The following FAM110C variants were observed in gnomAD, a reference collection of about 807,000 sequenced individuals.
FAM110C encodes family with sequence similarity 110 member C, also known as protein FAM110C.
In FAM110C, 19 loss-of-function variants were observed where a neutral mutation model predicts 15.7. The ratio of observed to expected loss-of-function variants is 1.21; its 90% confidence interval spans 0.85 to 1.78. The LOEUF (loss-of-function observed/expected upper bound fraction) is 1.78. FAM110C is among the 40% of genes most tolerant of loss of function. The probability of loss-of-function intolerance (pLI) is 0.00; values close to 1 mark genes in which losing one functional copy is unlikely to be tolerated. For missense variants in FAM110C, 547 were observed against 495.7 expected (o/e 1.10, Z -0.98); for synonymous variants, 275 against 233.9 (o/e 1.18, Z -1.61).
In FAM110C at chr2:45,504, G is replaced by A; in HGVS notation, c.882C>T (p.Ile294=). 1 of 1,614,146 alleles carries A rather than the reference G, an allele frequency of 6.2e-7. No individual in the cohort carries two copies. Among genetic ancestry groups the A allele is most frequent in the Non-Finnish European group, 8.5e-7 (1 of 1,180,012 alleles). Residue 294 remains isoleucine (I), a synonymous_variant, in exon 1 of 2, where the codon ATC becomes ATT. Transcript: ENST00000327669. ...CCTTCTTACAGGTGTACAGCCACTT[G>A]ATGATGCGGGCGTTCCTCTCGATGA... ...TSVIERNARI[I]KWLYTCKKAK...
In FAM110C at chr2:41,608, T is replaced by A; in HGVS notation, c.966A>T (p.Ter322CysextTer1). The A allele has an allele frequency of 6.2e-7, 1 of 1,613,798 alleles. No individual in the cohort carries two copies. The highest frequency in any genetic ancestry group is 8.5e-7 in the Non-Finnish European group (1 of 1,179,888). ...CATGAAATCCTTCAAGAAGTCTTCA[T>A]CATCGGGAAGGTTTGCTTCCTGAGG... ...SRTRGSKPSR[*>C] The change falls in exon 2 of 2, where the codon TGA (stop) becomes TGT (cysteine). Residue 322 changes from the stop codon to cysteine (C), a stop_lost. Coordinates refer to ENST00000327669, the MANE Select transcript of FAM110C (RefSeq NM_001077710.3).
At position 38,998 on chromosome 2, in the gene FAM110C, G is replaced by GAAT. The variant is rs1664056919; in HGVS notation, c.*2609_*2610insATT. 6.6e-6 allele frequency: 1 copy of GAAT among 152,130 alleles called. No homozygotes were observed. Among genetic ancestry groups the GAAT allele is most frequent in the African/African-American group, 2.4e-5 (1 of 41,406 alleles). The allele number at this position is 152,130 out of a possible 1,614,324, so 9.4% of individuals were successfully genotyped here. ...TGAACTTTGAACCAACTGAAAAAGG[G>GAAT]GAATGTTCAATAAAGCCTCCTTTTT... On this transcript the variant is annotated 3_prime_UTR_variant, in exon 2 of 2. Transcript: ENST00000327669.
chr2:44,987 G>A, intron 1 of FAM110C: 1 of 985,352 alleles, frequency 1.0e-6, no homozygotes, highest in Non-Finnish European at 1.2e-6. Context: ...AGGGCTGCAG[G>A]TGGACTGGTC....
rs1160625414 is a variant in FAM110C, at chr2:46,281, G to A, written c.105C>T (p.Ser35=). 20 of 1,361,884 alleles carry A rather than the reference G, an allele frequency of 1.5e-5. No individual in the cohort carries two copies. Among genetic ancestry groups the A allele is most frequent in the Non-Finnish European group, 1.5e-5 (16 of 1,061,178 alleles). 84.4% of individuals were successfully genotyped at this position (1,361,884 alleles called of 1,614,324 possible). The part of the protein sequence containing the change: ...DPDAARPARR[S]AVERLAADRA... Reference sequence around the variant, plus strand: ...GATCCGCCGCCAGCCTCTCCACTGCGCTCCTGCGCGCCGGCCGCGCGGCGT... The same window carrying A: ...GATCCGCCGCCAGCCTCTCCACTGCACTCCTGCGCGCCGGCCGCGCGGCGT... The change falls in exon 1 of 2, where the codon AGC becomes AGT. Residue 35 remains serine, a synonymous_variant. Transcript: ENST00000327669.
Position 45,805 on chromosome 2 carries a change from C to A in FAM110C, c.581G>T (p.Arg194Leu). The stretch of plus-strand genomic sequence containing the variant: ...CGACTGTGAGCGCTGCAGCCCCCGA[C>A]GCCTCACCACCCGCGGCTCTGGCCC... ...PPGPEPRVVR[R>L]RGLQRSQSDL... is the part of the protein sequence containing the mutation. Residue 194 changes from arginine to leucine, a missense_variant, in exon 1 of 2, where the codon CGT (arginine) becomes CTT (leucine). Physicochemically the swap from Arg to Leu is moderately radical, Grantham distance 102. Coordinates refer to ENST00000327669, the MANE Select transcript of FAM110C (RefSeq NM_001077710.3). 6.5e-7 allele frequency: 1 copy of A among 1,550,204 alleles called. No homozygotes were observed. Among genetic ancestry groups the A allele is most frequent in the South Asian group, 1.2e-5 (1 of 84,690 alleles).
chr2:43,572 T>C (rs1664186092), intron 1 of FAM110C: 1 of 985,464 alleles, frequency 1.0e-6, no homozygotes, highest in Non-Finnish European at 1.2e-6. Context: ...ATTTAGTCTA[T>C]GAAGTCAACT....
Position 46,328 on chromosome 2 carries a change from G to C in FAM110C, c.58C>G (p.Pro20Ala). 7.6e-7 allele frequency: 1 copy of C among 1,320,880 alleles called. No homozygotes were observed. The highest frequency in any genetic ancestry group is 9.6e-7 in the Non-Finnish European group (1 of 1,042,000). The allele number at this position is 1,320,880 out of a possible 1,614,324, so 81.8% of individuals were successfully genotyped here. The change falls in exon 1 of 2, where the codon CCC becomes GCC. Residue 20 changes from proline (P) to alanine (A), a missense_variant. Coordinates refer to ENST00000327669, the MANE Select transcript of FAM110C (RefSeq NM_001077710.3). ...GCGTCGGGGTCCCGGGTAGCCGCGG[G>C]GTCCCGGGGAAGGAGCCGCTCGTTC... ...PPNERLLPRD[P>A]AATRDPDAAR...
At position 40,636 on chromosome 2, in the gene FAM110C, A is replaced by G. The variant is rs547210586; in HGVS notation, c.*972T>C. On this transcript the variant is annotated 3_prime_UTR_variant, in exon 2 of 2. Coordinates refer to ENST00000327669, the MANE Select transcript of FAM110C (RefSeq NM_001077710.3). ...GCAGAAAAGAGTGAATTGGTGTCAA[A>G]TTTGGGTTGATTACGTCATATGTGG... is the stretch of plus-strand genomic sequence containing the variant. 6 of 152,312 alleles carry G rather than the reference A, an allele frequency of 3.9e-5. No homozygotes were observed. In the South Asian group the frequency reaches 1.0e-3, roughly 26 times the overall value. 9.4% of individuals were successfully genotyped at this position (152,312 alleles called of 1,614,324 possible). A position where few individuals can be genotyped will look rare whatever the true frequency, so the allele number is the denominator to read the frequency against.
chr2:41,667 T>A, intron 1 of FAM110C, 40 bp from the exon 2 acceptor site: 1 of 1,612,580 alleles, frequency 6.2e-7, no homozygotes, highest in Non-Finnish European at 8.5e-7. Flanking sequence ...AACTCCAGTC[T>A]AGACAAAAGT....
At chr2:44,019 C>G (rs1421450657) in intron 1 of FAM110C, 1 of 985,278 alleles carries the variant, frequency 1.0e-6, no homozygotes, top group Non-Finnish European at 1.2e-6. Context: ...GTTTAGTGCT[C>G]TATCCACCAG....
rs537883703 is a variant in FAM110C at position 45,023 on chromosome 2, C to T, written c.946+417G>A. Reference sequence around the variant, plus strand: ...AGCTCCAATCAAACATCAGGACCGCCCACAGCACAGGTCAATGAACTCAGG... The same window carrying T: ...AGCTCCAATCAAACATCAGGACCGCTCACAGCACAGGTCAATGAACTCAGG... On this transcript the variant is annotated intron_variant, in intron 1 of 1. Coordinates refer to ENST00000327669, the MANE Select transcript of FAM110C (RefSeq NM_001077710.3). 4.1e-6 allele frequency: 4 copies of T among 985,382 alleles called. No homozygotes were observed. In the African/African-American group the frequency reaches 7.0e-5, roughly 17 times the overall value. 61.0% of individuals were successfully genotyped at this position (985,382 alleles called of 1,614,324 possible).
rs989813525 is a variant in FAM110C, at chr2:40,283, G to C, written c.*1325C>G. On this transcript the variant is annotated 3_prime_UTR_variant, in exon 2 of 2. Transcript: ENST00000327669. ...CCTACTCTCACGGTAAAATAGTTACGAAAAAAGAATACAATATTAACCAAA... is the reference window on the plus strand; with the variant it reads ...CCTACTCTCACGGTAAAATAGTTACCAAAAAAGAATACAATATTAACCAAA... The C allele has an allele frequency of 6.6e-6, 1 of 151,880 alleles. No homozygotes were observed. Among genetic ancestry groups the C allele is most frequent in the South Asian group, 2.1e-4 (1 of 4,812 alleles). 9.4% of individuals were successfully genotyped at this position (151,880 alleles called of 1,614,324 possible).
intron 1 of FAM110C, chr2:44,299 T>G: frequency 2.0e-6 from 2 of 985,270 alleles, no homozygotes; most frequent in Non-Finnish European, 2.4e-6. Context: ...TGAATTATCT[T>G]CTTCTCATTA....
At chr2:44,695 C>A in intron 1 of FAM110C, 1 of 985,402 alleles carries the variant, frequency 1.0e-6, no homozygotes, top group South Asian at 4.7e-5. Flanking sequence ...CGAGGTCAAT[C>A]CGGCACTACT....
At position 39,877 on chromosome 2, in the gene FAM110C, T is replaced by A. The variant is rs973583209; in HGVS notation, c.*1731A>T. ...AAGATCCTTTAAAAAACTGCTCTCA[T>A]CTTTCACATTATCTTCTTTTTAACT... On this transcript the variant is annotated 3_prime_UTR_variant, in exon 2 of 2. Coordinates refer to ENST00000327669, the MANE Select transcript of FAM110C (RefSeq NM_001077710.3). 6.6e-6 allele frequency: 1 copy of A among 152,254 alleles called. No individual in the cohort carries two copies. The highest frequency in any genetic ancestry group is 1.9e-4 in the East Asian group (1 of 5,204). The allele number at this position is 152,254 out of a possible 1,614,324, so 9.4% of individuals were successfully genotyped here. A position where few individuals can be genotyped will look rare whatever the true frequency, so the allele number is the denominator to read the frequency against.
intron 1 of FAM110C, chr2:44,848 T>C (rs1339535463): frequency 1.4e-5 from 14 of 985,290 alleles, no homozygotes; most frequent in Non-Finnish European, 1.7e-5. Flanking sequence ...CAAATAAAGA[T>C]CTTTGTTGCT....
chr2:45,149 A>G, intron 1 of FAM110C: 1 of 985,436 alleles, frequency 1.0e-6, no homozygotes, highest in Non-Finnish European at 1.2e-6. Context: ...CACAATAATA[A>G]GCCAAATGGG....
At chr2:41,759 T>A in intron 1 of FAM110C, 132 bp from the exon 2 acceptor site, 2 of 1,369,482 alleles carry the variant, frequency 1.5e-6, no homozygotes, top group South Asian at 1.9e-5. Context: ...TTGAAACATC[T>A]TCTTTTGCGT....
chr2:45,942 G>C lies in FAM110C; in HGVS notation c.444C>G (p.Asn148Lys). 7.0e-7 allele frequency: 1 copy of C among 1,425,338 alleles called. No individual in the cohort carries two copies. The highest frequency in any genetic ancestry group is 1.5e-5 in the South Asian group (1 of 64,780). The allele number at this position is 1,425,338 out of a possible 1,614,324, so 88.3% of individuals were successfully genotyped here. The change falls in exon 1 of 2, where the codon AAC becomes AAG. Residue 148 changes from asparagine (N) to lysine (K), a missense_variant. By Grantham distance (94) the Asn-to-Lys change is moderately conservative. Transcript: ENST00000327669. ...CAGGAGTGGTCGGGACCGTCTCCGG[G>C]TTCCCGGCCTTGCCCTCGTCTCCCG... ...PRTGDEGKAG[N>K]PETVPTTPGP... is the part of the protein sequence containing the mutation.
Sources: allele counts gnomAD v4.1 joint callset, GRCh38; gene constraint gnomAD v4.1.1; transcripts MANE v1.5; gene names NCBI Gene and HGNC (gene_info 2026-07-23, HGNC 2026-07-21).